Variants in MBD5 observed in about 807,000 individuals in gnomAD.
MBD5 encodes methyl-CpG-binding domain protein 5.
In MBD5, 13 loss-of-function variants were observed where a neutral mutation model predicts 117.3. That is an observed-to-expected ratio of 0.11 (90% CI 0.07 to 0.18). The LOEUF (loss-of-function observed/expected upper bound fraction) is 0.18. Ranked by LOEUF, MBD5 falls within the 10% of genes least tolerant of loss-of-function variation. The probability of loss-of-function intolerance (pLI) is 1.00; values close to 1 mark genes in which losing one functional copy is unlikely to be tolerated. For missense variants in MBD5, 1,879 were observed against 2,093.8 expected (o/e 0.90, Z 2.00); for synonymous variants, 727 against 766.4 (o/e 0.95, Z 0.85).
At chr2:148,432,758 T>C (rs1706029475) in intron 4 of MBD5, among the ~76,000 whole-genome samples, 1 of 152,194 alleles carries the variant, frequency 6.6e-6, no homozygotes, top group South Asian at 2.1e-4. Flanking sequence ...AATGCTCTTT[T>C]GGTTACTGTA....
intron 4 of MBD5, among the ~76,000 whole-genome samples, chr2:148,407,363 TG>T (rs1705113825): frequency 2.0e-5 from 3 of 151,824 alleles, no homozygotes; most frequent in African/African-American, 7.3e-5. Flanking sequence ...TGTGTGTGTG[TG>T]TGTGTTTGTG....
At chr2:148,163,101 T>C (rs768403218) in intron 1 of MBD5, among the ~76,000 whole-genome samples, 28 of 152,252 alleles carry the variant, frequency 1.8e-4, no homozygotes, top group Non-Finnish European at 2.6e-4. Flanking sequence ...TATACTTTTC[T>C]TGTTCTTTTG....
intron 4 of MBD5, among the ~76,000 whole-genome samples, chr2:148,344,692 A>C (rs1703042695): frequency 6.6e-6 from 1 of 152,124 alleles, no homozygotes; most frequent in African/African-American, 2.4e-5. Context: ...TATCACTTCC[A>C]GGAGCCTTTT....
At chr2:148,231,751 G>A (rs1699992856) in intron 2 of MBD5, among the ~76,000 whole-genome samples, 1 of 152,144 alleles carries the variant, frequency 6.6e-6, no homozygotes, top group Non-Finnish European at 1.5e-5. Flanking sequence ...GGGGAGAAGG[G>A]TAGGAGATGT....
At chr2:148,474,102 T>C (rs1440069056) in intron 8 of MBD5, among the ~76,000 whole-genome samples, 1 of 152,152 alleles carries the variant, frequency 6.6e-6, no homozygotes, top group Non-Finnish European at 1.5e-5. Context: ...GTAGTAGACA[T>C]TTAAAGCAAC....
intron 3 of MBD5, among the ~76,000 whole-genome samples, chr2:148,335,515 A>G (rs1173630848): frequency 1.3e-5 from 2 of 152,092 alleles, no homozygotes; most frequent in African/African-American, 4.8e-5. Flanking sequence ...ACCCAGGAGT[A>G]TGAGACCAGC....
At chr2:148,047,802 T>G (rs1694573138) in intron 1 of MBD5, among the ~76,000 whole-genome samples, 1 of 152,186 alleles carries the variant, frequency 6.6e-6, no homozygotes, top group Non-Finnish European at 1.5e-5. Context: ...AAATTTTAAG[T>G]TATGAGTTGG....
chr2:148,120,143 G>A (rs1449178276), intron 1 of MBD5, among the ~76,000 whole-genome samples: 1 of 151,994 alleles, frequency 6.6e-6, no homozygotes, highest in African/African-American at 2.4e-5. Context: ...CAAACTCCTG[G>A]GCCCAGGCAA....
At chr2:148,460,460 G>A (rs894124880) in intron 5 of MBD5, among the ~76,000 whole-genome samples, 1 of 152,084 alleles carries the variant, frequency 6.6e-6, no homozygotes, top group African/African-American at 2.4e-5. Flanking sequence ...AAATTAACCA[G>A]CATAGATTTA....
Position 148,469,766 on chromosome 2 carries a change from T to C in MBD5, c.1823T>C (p.Val608Ala). The change falls in exon 8 of 14, where the codon GTT becomes GCT. Residue 608 changes from valine (V) to alanine (A), a missense_variant. By Grantham distance (64) the Val-to-Ala change is moderately conservative (BLOSUM62 0). Coordinates refer to ENST00000642680, the MANE Select transcript of MBD5 (RefSeq NM_001378120.1). Reference sequence around the variant, plus strand: ...AGCAGCAGTAGCAATTCTGGAGCTGTTGCCGGCAGTGGCAACACTGAAGGA... The same window carrying C: ...AGCAGCAGTAGCAATTCTGGAGCTGCTGCCGGCAGTGGCAACACTGAAGGA... The part of the protein sequence containing the change: ...NSSSSSNSGA[V>A]AGSGNTEGHS... 6.2e-7 allele frequency: 1 copy of C among 1,613,990 alleles called. No individual in the cohort carries two copies. Among genetic ancestry groups the C allele is most frequent in the Non-Finnish European group, 8.5e-7 (1 of 1,179,900 alleles).
chr2:148,509,917 G>A, intron 12 of MBD5, 143 bp from the exon 13 acceptor site: 1 of 689,032 alleles, frequency 1.5e-6, no homozygotes, highest in Non-Finnish European at 2.7e-6. Context: ...CCAGAGTGAT[G>A]TTTTGTCATC....
intron 3 of MBD5, among the ~76,000 whole-genome samples, chr2:148,288,832 A>T (rs1307091118): frequency 6.6e-6 from 1 of 152,210 alleles, no homozygotes; most frequent in Non-Finnish European, 1.5e-5. Flanking sequence ...TTAAAGGCTG[A>T]TGCTTATGGT....
At chr2:148,307,433 T>C (rs1701920618) in intron 3 of MBD5, among the ~76,000 whole-genome samples, 1 of 152,162 alleles carries the variant, frequency 6.6e-6, no homozygotes, top group South Asian at 2.1e-4. Flanking sequence ...CCATTCAGTT[T>C]TTATCATACT....
At chr2:148,124,382 G>C (rs2105425854) in intron 1 of MBD5, among the ~76,000 whole-genome samples, 1 of 152,222 alleles carries the variant, frequency 6.6e-6, no homozygotes, top group East Asian at 1.9e-4. Flanking sequence ...TTCAAGACCT[G>C]CCTGGGCAAC....
chr2:148,331,164 C>T (rs1702634896), intron 3 of MBD5, among the ~76,000 whole-genome samples: 1 of 152,142 alleles, frequency 6.6e-6, no homozygotes, highest in Non-Finnish European at 1.5e-5. Context: ...TATGAGACAG[C>T]AATTCATATG....
intron 4 of MBD5, among the ~76,000 whole-genome samples, chr2:148,420,077 C>T (rs1438214017): frequency 3.3e-5 from 5 of 152,104 alleles, no homozygotes; most frequent in African/African-American, 1.2e-4. Flanking sequence ...TGACATTAAC[C>T]TTTTCTGACC....
intron 12 of MBD5, among the ~76,000 whole-genome samples, chr2:148,505,004 G>C (rs189408598): frequency 6.6e-6 from 1 of 152,106 alleles, no homozygotes; most frequent in Non-Finnish European, 1.5e-5. Context: ...AAGATGAAGA[G>C]ATTGTTCAGG....
At chr2:148,279,510 T>C (rs767164482) in intron 3 of MBD5, among the ~76,000 whole-genome samples, 7 of 152,160 alleles carry the variant, frequency 4.6e-5, no homozygotes, top group Non-Finnish European at 8.8e-5. Flanking sequence ...ACTGAAACAT[T>C]GAGAGTAATT....
intron 1 of MBD5, among the ~76,000 whole-genome samples, chr2:148,170,716 C>T (rs1698244144): frequency 6.6e-6 from 1 of 152,092 alleles, no homozygotes; most frequent in Admixed American, 6.5e-5. Flanking sequence ...TCCAATAGCT[C>T]AGGGAAGTAG....
Sources: allele counts gnomAD v4.1 joint callset (sites outside exome capture counted in the v4.1 genomes callset), GRCh38; gene constraint gnomAD v4.1.1; transcripts MANE v1.5; gene names NCBI Gene and HGNC (gene_info 2026-07-23, HGNC 2026-07-21).